FOXP2: variants seen among roughly 807,000 people sequenced by gnomAD.
FOXP2 encodes the protein forkhead box P2.
In FOXP2, 12 loss-of-function variants were observed where a neutral mutation model predicts 115.8. That is an observed-to-expected ratio of 0.10 (90% CI 0.07 to 0.17). The LOEUF is 0.17. FOXP2 is among the 10% of genes least tolerant of loss of function. FOXP2 has a pLI of 1.00. For synonymous variants in FOXP2, 328 were observed against 297.7 expected (o/e 1.10, Z -1.05); for missense variants, 629 against 843.5 (o/e 0.75, Z 3.15).
chr7:114,621,179 TG>T (rs1208505843), intron 3 of FOXP2, among the ~76,000 whole-genome samples: 1 of 152,086 alleles, frequency 6.6e-6, no homozygotes, highest in Non-Finnish European at 1.5e-5. Context: ...GAATTTGCTT[TG>T]GTTACACATT....
At chr7:114,596,121 C>G (rs777538594) in intron 3 of FOXP2, among the ~76,000 whole-genome samples, 15 of 152,000 alleles carry the variant, frequency 9.9e-5, no homozygotes, top group Non-Finnish European at 1.6e-4. Flanking sequence ...AATGCTAGTA[C>G]AGTTAGCAAT....
chr7:114,252,683 TTTC>T (rs1338580632), intron 1 of FOXP2, among the ~76,000 whole-genome samples: 1 of 152,172 alleles, frequency 6.6e-6, no homozygotes, highest in Non-Finnish European at 1.5e-5. Context: ...TCTTCTCTCT[TTTC>T]TTCTTTATTA....
At chr7:114,284,388 C>A (rs920605296) in intron 1 of FOXP2, among the ~76,000 whole-genome samples, 1 of 152,100 alleles carries the variant, frequency 6.6e-6, no homozygotes. Flanking sequence ...ATAGTTGCAA[C>A]AAATAATGTG....
At chr7:114,188,678 C>T (rs1422165861) in intron 1 of FOXP2, among the ~76,000 whole-genome samples, 3 of 152,166 alleles carry the variant, frequency 2.0e-5, no homozygotes, top group African/African-American at 7.2e-5. Context: ...CAGCCTCGAC[C>T]TCCTGGGCTC....
At chr7:114,355,581 G>A (rs1584661594) in intron 2 of FOXP2, among the ~76,000 whole-genome samples, 2 of 152,128 alleles carry the variant, frequency 1.3e-5, no homozygotes, top group East Asian at 1.9e-4. Flanking sequence ...TTTTGGATCT[G>A]TATTTTAGTA....
chr7:114,127,817 C>T (rs1376886359), intron 1 of FOXP2, among the ~76,000 whole-genome samples: 1 of 152,202 alleles, frequency 6.6e-6, no homozygotes, highest in African/African-American at 2.4e-5. Context: ...GCTTCTTCCA[C>T]TTTTCCTTTC....
chr7:114,449,972 G>A (rs916083722), intron 2 of FOXP2, among the ~76,000 whole-genome samples: 4 of 151,752 alleles, frequency 2.6e-5, no homozygotes, highest in Non-Finnish European at 2.9e-5. Flanking sequence ...ATGACATCCA[G>A]GTATGCATTT....
At chr7:114,573,101 G>A (rs1280989542) in intron 3 of FOXP2, among the ~76,000 whole-genome samples, 2 of 151,790 alleles carry the variant, frequency 1.3e-5, no homozygotes, top group Admixed American at 6.6e-5. Flanking sequence ...GCATAGCAGT[G>A]CATTTGCCAT....
rs1808614147 is a variant in FOXP2, at chr7:114,690,567, C to T, written c.*641C>T. 2.2e-6 allele frequency: 1 copy of T among 453,918 alleles called. No individual in the cohort carries two copies. Among genetic ancestry groups the T allele is most frequent in the South Asian group, 1.6e-5 (1 of 64,482 alleles). The allele number at this position is 453,918 out of a possible 1,614,324, so 28.1% of individuals were successfully genotyped here. ...ATTAGACTGTTGCAACCATCTAAAA[C>T]CTTAGGCTTCCAGTCTGTGCTGTTA... On this transcript the variant is annotated 3_prime_UTR_variant, in exon 17 of 17. Coordinates refer to ENST00000350908, the MANE Select transcript of FOXP2 (RefSeq NM_014491.4).
intron 6 of FOXP2, among the ~76,000 whole-genome samples, chr7:114,633,098 A>G (rs1805009107): frequency 6.6e-6 from 1 of 152,140 alleles, no homozygotes; most frequent in Non-Finnish European, 1.5e-5. Flanking sequence ...GGATATAATT[A>G]TATGAGAATT....
chr7:114,585,688 A>T (rs1802098553), intron 3 of FOXP2, among the ~76,000 whole-genome samples: 2 of 152,068 alleles, frequency 1.3e-5, no homozygotes, highest in South Asian at 2.1e-4. Context: ...AACATGATGA[A>T]ACCCCGTCTC....
At chr7:114,630,028 A>G in intron 5 of FOXP2, 23 bp downstream of exon 5, 1 of 1,606,814 alleles carries the variant, frequency 6.2e-7, no homozygotes, top group Non-Finnish European at 8.5e-7. Context: ...TATCTCATTG[A>G]TACATAACAG....
chr7:114,241,148 A>G (rs1046196163), intron 1 of FOXP2, among the ~76,000 whole-genome samples: 2 of 152,038 alleles, frequency 1.3e-5, no homozygotes, highest in Non-Finnish European at 2.9e-5. Flanking sequence ...TTACCACACC[A>G]AGCACTTATT....
rs1585006501 is a variant in FOXP2, at chr7:114,663,332, C to T, written c.1770-118C>T. 4.2e-6 allele frequency: 3 copies of T among 712,810 alleles called. No homozygotes were observed. In the East Asian group the frequency reaches 8.0e-5, roughly 19 times the overall value. The allele number at this position is 712,810 out of a possible 1,614,324, so 44.2% of individuals were successfully genotyped here. A position where few individuals can be genotyped will look rare whatever the true frequency, so the allele number is the denominator to read the frequency against. ...TACCTTATTTTTGTGGCCTTATATA[C>T]ATCCAGTATGGACTATTAGTGTGAG... On this transcript the variant is annotated intron_variant, in intron 14 of 16. Transcript: ENST00000350908.
intron 1 of FOXP2, among the ~76,000 whole-genome samples, chr7:114,141,236 C>T (rs1450836): frequency 0.82 from 124,686 of 152,112 alleles, 52,337 homozygotes; most frequent in Non-Finnish European, 0.92. Context: ...GAGCTCCCCA[C>T]GAGTCCCAGG....
At chr7:114,253,097 C>T (rs1414159085) in intron 1 of FOXP2, among the ~76,000 whole-genome samples, 16 of 152,030 alleles carry the variant, frequency 1.1e-4, no homozygotes, top group Admixed American at 5.2e-4. Context: ...TGTAATTGAG[C>T]GGTTTTGGGT....
chr7:114,122,909 G>GT (rs2129143997), intron 1 of FOXP2, among the ~76,000 whole-genome samples: 1 of 151,992 alleles, frequency 6.6e-6, no homozygotes, highest in East Asian at 1.9e-4. Context: ...ACAACATTGT[G>GT]TTTAACTTTA....
intron 2 of FOXP2, among the ~76,000 whole-genome samples, chr7:114,531,973 G>T (rs1440980646): frequency 6.6e-6 from 1 of 151,946 alleles, no homozygotes; most frequent in Non-Finnish European, 1.5e-5. Context: ...TTGGTAAAAT[G>T]GATGGGGTCC....
At chr7:114,278,120 C>A (rs1796238730) in intron 1 of FOXP2, among the ~76,000 whole-genome samples, 1 of 144,792 alleles carries the variant, frequency 6.9e-6, no homozygotes, top group African/African-American at 2.5e-5. Flanking sequence ...TTCTCAACAA[C>A]AATTAAATAA....
Sources: allele counts gnomAD v4.1 joint callset (sites outside exome capture counted in the v4.1 genomes callset), GRCh38; gene constraint gnomAD v4.1.1; transcripts MANE v1.5; gene names NCBI Gene and HGNC (gene_info 2026-07-23, HGNC 2026-07-21).